The following ZKSCAN5 variants were observed in gnomAD, a reference collection of about 807,000 sequenced individuals.
ZKSCAN5 encodes zinc finger protein with KRAB and SCAN domains 5.
Under a neutral mutation model 60.0 loss-of-function variants are expected in ZKSCAN5, and 28 were observed. That is an observed-to-expected ratio of 0.47 (90% CI 0.35 to 0.64). ZKSCAN5 has a LOEUF of 0.64. Among genes scored for constraint, ZKSCAN5 ranks in the 30% least tolerant of loss-of-function variants. ZKSCAN5 has a pLI of 0.01. For missense variants in ZKSCAN5, 881 were observed against 1,034.6 expected (o/e 0.85, Z 2.04); for synonymous variants, 361 against 371.2 (o/e 0.97, Z 0.31).
At chr7:99,507,573 ATGTGTATATTTATGTGTGTG>A (rs1584163069) in intron 2 of ZKSCAN5, among the ~76,000 whole-genome samples, 7 of 148,944 alleles carry the variant, frequency 4.7e-5, no homozygotes, top group South Asian at 2.1e-4. Context: ...GTGTATATAT[ATGTGTATATTTATGTGTGTG>A]TGTATATATA....
chr7:99,531,918 C>T lies in ZKSCAN5; in HGVS notation c.2189C>T (p.Ser730Leu), dbSNP rs1802067136. ...TGTGGAAAAGCCTTTGGTTATAGCT[C>T]AGACCTCATTCAGCATTACAGAACT... ...DICGKAFGYSSDLIQHYRTHT... is the reference protein window; with the variant it reads ...DICGKAFGYSLDLIQHYRTHT... Residue 730 changes from serine (S) to leucine (L), a missense_variant, in exon 7 of 7, where the codon TCA becomes TTA. Physicochemically the swap from Ser to Leu is moderately radical, Grantham distance 145. Transcript: ENST00000326775. 6.2e-7 allele frequency: 1 copy of T among 1,614,168 alleles called. No homozygotes were observed. The highest frequency in any genetic ancestry group is 8.5e-7 in the Non-Finnish European group (1 of 1,180,036).
rs1229660384 is a variant in ZKSCAN5 at position 99,532,529 on chromosome 7, C to T, written c.*280C>T. 3.4e-6 allele frequency: 1 copy of T among 295,292 alleles called. No individual in the cohort carries two copies. Among genetic ancestry groups the T allele is most frequent in the Admixed American group, 4.6e-5 (1 of 21,732 alleles). The allele number at this position is 295,292 out of a possible 1,614,324, so 18.3% of individuals were successfully genotyped here. On this transcript the variant is annotated 3_prime_UTR_variant, in exon 7 of 7. Coordinates refer to ENST00000326775, the MANE Select transcript of ZKSCAN5 (RefSeq NM_145102.4). ...GACATGGTCGAGGAATTCGGAAAGC[C>T]TGCAGTTGACATTCAGTCTTCACTT...
In ZKSCAN5 at chr7:99,506,064, G is replaced by T. The variant is rs1419860820; in HGVS notation, c.20G>T (p.Arg7Leu). MIMTESREVIDLDPPAE... is the reference protein window; with the variant it reads MIMTESLEVIDLDPPAE... ...GTTGGAATGATAATGACCGAATCCC[G>T]AGAAGTTATAGACTTAGACCCCCCA... The change falls in exon 2 of 7, where the codon CGA becomes CTA. Residue 7 changes from arginine (R) to leucine (L), a missense_variant. Coordinates refer to ENST00000326775, the MANE Select transcript of ZKSCAN5 (RefSeq NM_145102.4). 5.6e-6 allele frequency: 9 copies of T among 1,613,522 alleles called. No homozygotes were observed. Among genetic ancestry groups the T allele is most frequent in the Non-Finnish European group, 7.6e-6 (9 of 1,179,776 alleles).
rs1800719652 is a variant in ZKSCAN5 at position 99,506,221 on chromosome 7, T to C, written c.177T>C (p.His59=). ...FYQRFRHFQY[H]EASGPREALS... is the part of the protein sequence containing the mutation. ...AGCGCTTCAGGCACTTCCAGTACCA[T>C]GAGGCTTCAGGACCCCGGGAGGCTC... Residue 59 remains histidine (H), a synonymous_variant, in exon 2 of 7, where the codon CAT becomes CAC. Transcript: ENST00000326775. 4 of 1,614,154 alleles carry C rather than the reference T, an allele frequency of 2.5e-6. No individual in the cohort carries two copies. The highest frequency in any genetic ancestry group is 3.4e-6 in the Non-Finnish European group (4 of 1,180,022).
At chr7:99,528,410 A>AT (rs891082006) in intron 6 of ZKSCAN5, among the ~76,000 whole-genome samples, 13 of 151,512 alleles carry the variant, frequency 8.6e-5, no homozygotes, top group Non-Finnish European at 1.2e-4. Flanking sequence ...TGCCTTCCAC[A>AT]TTTTTTTTGT....
chr7:99,531,719 C>T lies in ZKSCAN5; in HGVS notation c.1990C>T (p.Arg664Cys), dbSNP rs563179160. 9 of 1,614,068 alleles carry T rather than the reference C, an allele frequency of 5.6e-6. No individual in the cohort carries two copies. Among genetic ancestry groups the T allele is most frequent in the South Asian group, 4.4e-5 (4 of 91,058 alleles). The change falls in exon 7 of 7, where the codon CGT becomes TGT. Residue 664 changes from arginine (R) to cysteine (C), a missense_variant. Arg to Cys is a radical substitution (Grantham distance 180). Around this residue, in one of 5 missense-constraint regions of ZKSCAN5, gnomAD observed 112 missense variants for 182.4 expected, o/e 0.61. Transcript: ENST00000326775. ...CTCCCGAGAGAAATCCCATCAGTGT[C>T]GTGAATGTGGGGAAATCTTTTTTCA... ...LHSREKSHQCRECGEIFFQYV... is the reference protein window; with the variant it reads ...LHSREKSHQCCECGEIFFQYV...
At chr7:99,523,546 C>T (rs1801639965) in intron 5 of ZKSCAN5, among the ~76,000 whole-genome samples, 1 of 152,084 alleles carries the variant, frequency 6.6e-6, no homozygotes, top group Admixed American at 6.6e-5. Flanking sequence ...TTAGAAGTAA[C>T]AGTAAGCTGT....
chr7:99,519,256 G>A (rs1368188613), intron 3 of ZKSCAN5, among the ~76,000 whole-genome samples: 1 of 148,250 alleles, frequency 6.7e-6, no homozygotes, highest in African/African-American at 2.5e-5. Flanking sequence ...TTACAGGCGT[G>A]AGCCACCACG....
intron 2 of ZKSCAN5, among the ~76,000 whole-genome samples, chr7:99,508,252 T>C (rs1311332755): frequency 6.6e-6 from 1 of 151,520 alleles, no homozygotes; most frequent in Non-Finnish European, 1.5e-5. Flanking sequence ...TGAGCCGAGA[T>C]TGTGCCACTG....
At chr7:99,511,812 C>T (rs1476717942) in intron 2 of ZKSCAN5, among the ~76,000 whole-genome samples, 3 of 150,804 alleles carry the variant, frequency 2.0e-5, no homozygotes, top group East Asian at 3.9e-4. Context: ...TTTTTTGAGA[C>T]GGAGTCTCGC....
chr7:99,511,987 T>C (rs978976200), intron 2 of ZKSCAN5, among the ~76,000 whole-genome samples: 1 of 151,942 alleles, frequency 6.6e-6, no homozygotes, highest in African/African-American at 2.4e-5. Context: ...AGAGACGGGG[T>C]TTCACCGTGT....
rs1045286487 is a variant in ZKSCAN5, at chr7:99,533,044, G to A, written c.*795G>A. 1.2e-5 allele frequency: 3 copies of A among 257,278 alleles called. No homozygotes were observed. In the South Asian group the frequency reaches 1.2e-4, roughly 10 times the overall value. 15.9% of individuals were successfully genotyped at this position (257,278 alleles called of 1,614,324 possible). ...TAGGGGAGCAGAGAAGACAGGCAAA[G>A]TTGTGGACTGTTTGATCTTGTATTA... is the stretch of plus-strand genomic sequence containing the variant. On this transcript the variant is annotated 3_prime_UTR_variant, in exon 7 of 7. Coordinates refer to ENST00000326775, the MANE Select transcript of ZKSCAN5 (RefSeq NM_145102.4).
chr7:99,523,118 C>T (rs1801613929), intron 5 of ZKSCAN5, among the ~76,000 whole-genome samples: 1 of 129,056 alleles, frequency 7.7e-6, no homozygotes, highest in South Asian at 2.6e-4. Flanking sequence ...GAGCTGAGAT[C>T]ATGCCATTGC....
rs1801775497 is a variant in ZKSCAN5 at position 99,526,119 on chromosome 7, A to C, written c.1079A>C (p.Asn360Thr). The C allele has an allele frequency of 6.2e-7, 1 of 1,614,032 alleles. No individual in the cohort carries two copies. Among genetic ancestry groups the C allele is most frequent in the Non-Finnish European group, 8.5e-7 (1 of 1,180,056 alleles). The change falls in exon 6 of 7, where the codon AAC (asparagine) becomes ACC (threonine). Residue 360 changes from asparagine (N) to threonine (T), a missense_variant. By Grantham distance (65) the Asn-to-Thr change is moderately conservative. Transcript: ENST00000326775. ...GGCAAATTCTTCCTCCAAGCCTCAA[A>C]CTTTATTCAGCATCGGCGCATCCAC... ...DCGKFFLQAS[N>T]FIQHRRIHTG...
At chr7:99,530,694 C>T (rs946689469) in intron 6 of ZKSCAN5, among the ~76,000 whole-genome samples, 6 of 152,140 alleles carry the variant, frequency 3.9e-5, no homozygotes, top group African/African-American at 1.4e-4. Flanking sequence ...ACATCCACCT[C>T]TGTTACTCCC....
At chr7:99,521,925 C>T (rs1801556448) in intron 5 of ZKSCAN5, among the ~76,000 whole-genome samples, 1 of 151,874 alleles carries the variant, frequency 6.6e-6, no homozygotes, top group Admixed American at 6.6e-5. Flanking sequence ...TTTATTTGAG[C>T]CTGTTACTCT....
chr7:99,507,568 T>C (rs1030317417), intron 2 of ZKSCAN5, among the ~76,000 whole-genome samples: 1 of 149,198 alleles, frequency 6.7e-6, no homozygotes. Context: ...TATATGTGTA[T>C]ATATATGTGT....
intron 1 of ZKSCAN5, 200 bp from the exon 2 acceptor site, chr7:99,505,805 T>G (rs1562899722): frequency 2.4e-6 from 1 of 423,268 alleles, no homozygotes; most frequent in East Asian, 4.4e-5. Context: ...TATTCCTTAT[T>G]ATCATTTTGT....
intron 4 of ZKSCAN5, 113 bp downstream of exon 4, chr7:99,520,022 G>C: frequency 6.7e-7 from 1 of 1,495,702 alleles, no homozygotes; most frequent in Non-Finnish European, 9.2e-7. Context: ...TCATTCCTTT[G>C]GCCTTTTTCC....
Sources: gnomAD v4.1 joint callset for allele counts (sites outside exome capture counted in the v4.1 genomes callset) on GRCh38, gnomAD v4.1.1 for gene constraint, gnomAD v4.1.1 regional missense constraint, MANE v1.5 for transcripts, NCBI Gene and HGNC (gene_info 2026-07-23, HGNC 2026-07-21) for gene names.